PLCE1: variants seen among roughly 807,000 people sequenced by gnomAD.
The protein encoded by PLCE1 is phospholipase C epsilon 1.
A neutral mutation model predicts 242.8 loss-of-function variants in PLCE1; 119 were observed. The observed-to-expected ratio is 0.49, with a 90% CI of 0.42 to 0.57. The LOEUF is 0.57. Among genes scored for constraint, PLCE1 ranks in the 20% least tolerant of loss-of-function variants. The pLI is 0.00. For missense variants in PLCE1, 2,441 were observed against 2,788.8 expected (o/e 0.88, Z 2.81); for synonymous variants, 945 against 1,017.4 (o/e 0.93, Z 1.35).
intron 2 of PLCE1, among the ~76,000 whole-genome samples, chr10:94,127,994 T>TG (rs1425574680): frequency 2.7e-5 from 4 of 150,566 alleles, no homozygotes; most frequent in African/African-American, 9.8e-5. Flanking sequence ...TGACTTTTTT[T>TG]TTTTTTTTTT....
In PLCE1 at chr10:94,204,270, G is replaced by A. The variant is rs936409432; in HGVS notation, c.1810-23036G>A. Among the ~76,000 whole-genome samples, 13 of 152,270 alleles carry A rather than the reference G, an allele frequency of 8.5e-5. No individual in the cohort carries two copies. The East Asian group carries it at 1.4e-3, about 16-fold the overall frequency. ...CTGAAAAAGAAAAGGAGTTGGAGGA[G>A]CAGATAAAAGAAGAGGAAGGAGAGA... On this transcript the variant is annotated intron_variant, in intron 4 of 32. Transcript: ENST00000371380.
chr10:94,226,575 G>A (rs1354363976), intron 4 of PLCE1, among the ~76,000 whole-genome samples: 2 of 151,954 alleles, frequency 1.3e-5, no homozygotes, highest in Non-Finnish European at 2.9e-5. Context: ...GTAAAAGATT[G>A]TTTAAAAATG....
At chr10:94,234,757 T>C (rs111723556) in intron 6 of PLCE1, among the ~76,000 whole-genome samples, 11 of 152,266 alleles carry the variant, frequency 7.2e-5, no homozygotes, top group African/African-American at 2.6e-4. Flanking sequence ...GAGACGCATG[T>C]AGAGACAAGC....
At chr10:94,015,438 TTAAG>T (rs2061259299) in intron 1 of PLCE1, among the ~76,000 whole-genome samples, 1 of 152,142 alleles carries the variant, frequency 6.6e-6, no homozygotes, top group Admixed American at 6.5e-5. Context: ...AGATGAATGG[TTAAG>T]TGACTAGTAG....
rs754034304 is a variant in PLCE1 at position 94,284,945 on chromosome 10, G to T, written c.5015G>T (p.Cys1672Phe). The T allele has an allele frequency of 6.3e-7, 1 of 1,599,436 alleles. No individual in the cohort carries two copies. The change falls in exon 22 of 33, where the codon TGT becomes TTT. Residue 1672 changes from cysteine to phenylalanine, a missense_variant. By Grantham distance (205) the Cys-to-Phe change is radical. Transcript: ENST00000371380. ...GAGCTTTCTGACCTTGTAATCTATT[G>T]TCAAGCAGTAAAATTTCCAGGTAAG... is the stretch of plus-strand genomic sequence containing the variant. ...APELSDLVIY[C>F]QAVKFPGLST...
intron 3 of PLCE1, among the ~76,000 whole-genome samples, chr10:94,158,882 G>A (rs1441714443): frequency 1.7e-5 from 2 of 120,638 alleles, no homozygotes; most frequent in African/African-American, 5.7e-5. Context: ...TTGAGACGGA[G>A]TTTCGCTCTT....
chr10:94,067,696 C>A (rs1393292038), intron 2 of PLCE1, among the ~76,000 whole-genome samples: 2 of 152,178 alleles, frequency 1.3e-5, no homozygotes, highest in Non-Finnish European at 2.9e-5. Context: ...GGCTGCTTGG[C>A]CAGATGTGAA....
chr10:94,036,186 C>CT (rs1274174170), intron 2 of PLCE1, among the ~76,000 whole-genome samples: 2 of 152,114 alleles, frequency 1.3e-5, no homozygotes, highest in African/African-American at 4.8e-5. Context: ...AAATGAGATG[C>CT]TACCCACCAC....
chr10:94,055,345 C>A (rs1204494204), intron 2 of PLCE1, among the ~76,000 whole-genome samples: 1 of 150,420 alleles, frequency 6.6e-6, no homozygotes, highest in African/African-American at 2.5e-5. Context: ...GAGTCTCGCT[C>A]TGTCGCTTGG....
rs1474913976 is a variant in PLCE1 at position 94,227,457 on chromosome 10, G to A, written c.1955+6G>A. ...GAGTTCTTGGCTGGCCTCAGGTATAGTCAGTGGGGAATATGGTTATCTTGG... is the reference window on the plus strand; with the variant it reads ...GAGTTCTTGGCTGGCCTCAGGTATAATCAGTGGGGAATATGGTTATCTTGG... On this transcript the variant is annotated splice_donor_region_variant and intron_variant, in intron 5 of 32. Coordinates refer to ENST00000371380, the MANE Select transcript of PLCE1 (RefSeq NM_016341.4). The A allele has an allele frequency of 6.2e-7, 1 of 1,613,124 alleles. No homozygotes were observed. The highest frequency in any genetic ancestry group is 8.5e-7 in the Non-Finnish European group (1 of 1,179,158).
chr10:94,047,492 T>G (rs1239187024), intron 2 of PLCE1, among the ~76,000 whole-genome samples: 6 of 152,192 alleles, frequency 3.9e-5, no homozygotes, highest in Admixed American at 3.9e-4. Context: ...CCGCCTTTTA[T>G]GACTTCACAT....
In PLCE1 at chr10:94,233,657, G is replaced by T. The variant is rs114780552; in HGVS notation, c.1956-397G>T. Among the ~76,000 whole-genome samples the T allele has an allele frequency of 6.0e-3, 911 of 152,256 alleles. 3 individuals carry two copies. The highest frequency in any genetic ancestry group is 0.02 in the African/African-American group (843 of 41,542). ...CCCTACATAAATATTAACAAGTAAAGAATATTGGGGCTGGGCGCGGTGGCT... is the reference window on the plus strand; with the variant it reads ...CCCTACATAAATATTAACAAGTAAATAATATTGGGGCTGGGCGCGGTGGCT... On this transcript the variant is annotated intron_variant, in intron 5 of 32. Coordinates refer to ENST00000371380, the MANE Select transcript of PLCE1 (RefSeq NM_016341.4).
chr10:94,319,963 G>A (rs1207508255), intron 29 of PLCE1, among the ~76,000 whole-genome samples: 2 of 143,120 alleles, frequency 1.4e-5, no homozygotes, highest in African/African-American at 5.1e-5. Flanking sequence ...TCCGCCTCCC[G>A]GGTTCACACC....
intron 4 of PLCE1, among the ~76,000 whole-genome samples, chr10:94,196,904 C>T (rs1027000162): frequency 2.6e-5 from 4 of 152,032 alleles, no homozygotes; most frequent in African/African-American, 4.8e-5. Context: ...CATATATTTA[C>T]GGACTTGTAT....
chr10:94,053,699 CGCA>C (rs2043827577), intron 2 of PLCE1, among the ~76,000 whole-genome samples: 1 of 152,150 alleles, frequency 6.6e-6, no homozygotes, highest in Non-Finnish European at 1.5e-5. Context: ...GAAATATCCT[CGCA>C]GCAGTTGAAT....
intron 6 of PLCE1, among the ~76,000 whole-genome samples, chr10:94,235,218 C>A (rs1226800546): frequency 6.6e-6 from 1 of 152,042 alleles, no homozygotes; most frequent in Non-Finnish European, 1.5e-5. Context: ...GAGCTCCTGA[C>A]AGGTACAGGC....
chr10:94,101,792 C>T (rs1375773414), intron 2 of PLCE1, among the ~76,000 whole-genome samples: 2 of 152,126 alleles, frequency 1.3e-5, no homozygotes, highest in Non-Finnish European at 2.9e-5. Flanking sequence ...TGTGTGGAGG[C>T]GCTGAAGGGG....
At chr10:94,041,075 C>T (rs80299431) in intron 2 of PLCE1, among the ~76,000 whole-genome samples, 35 of 152,062 alleles carry the variant, frequency 2.3e-4, no homozygotes, top group African/African-American at 7.5e-4. Flanking sequence ...GAACATCCCT[C>T]GCTACCTGGC....
At chr10:94,271,799 G>A (rs1409738997) in intron 18 of PLCE1, among the ~76,000 whole-genome samples, 2 of 152,164 alleles carry the variant, frequency 1.3e-5, no homozygotes, top group Non-Finnish European at 2.9e-5. Flanking sequence ...GCCAGTCTGA[G>A]ATATAAAGAG....
Sources: gnomAD v4.1 joint callset for allele counts (sites outside exome capture counted in the v4.1 genomes callset) on GRCh38, gnomAD v4.1.1 for gene constraint, MANE v1.5 for transcripts, NCBI Gene and HGNC (gene_info 2026-07-23, HGNC 2026-07-21) for gene names.